Variants in MORN1 observed in about 807,000 individuals in gnomAD.
MORN1 encodes MORN repeat-containing protein 1.
MORN1 carries 67 observed loss-of-function variants against 61.9 expected under a neutral mutation model. The ratio of observed to expected loss-of-function variants is 1.08; its 90% CI spans 0.89 to 1.33. MORN1 has a LOEUF of 1.33. Among genes scored for constraint, MORN1 ranks in the 40% most tolerant of loss-of-function variants. MORN1 has a pLI of 0.00. For synonymous variants in MORN1, 301 were observed against 292.0 expected, an observed-to-expected ratio of 1.03 and a Z score of -0.31; for missense variants, 752 against 691.2, an observed-to-expected ratio of 1.09 and a Z score of -0.99.
Position 2,327,292 on chromosome 1 carries a change from AGAAAC to A in MORN1, c.1251-3154_1251-3150del, listed in dbSNP as rs1641053173. 5.3e-5 allele frequency among the ~76,000 whole-genome samples: 8 copies of A among 152,242 alleles called. No individual in the cohort carries two copies. The South Asian group carries it at 1.5e-3, about 28-fold the overall frequency. Reference sequence around the variant, plus strand: ...CAAACACAGAGACACAGAAACACACAGAAACACAGAAACAAACACAGAGACACAGA... The same window carrying A: ...CAAACACAGAGACACAGAAACACACAACAGAAACAAACACAGAGACACAGA... On this transcript the variant is annotated intron_variant, in intron 12 of 13. Coordinates refer to ENST00000378531, the MANE Select transcript of MORN1 (RefSeq NM_024848.3).
intron 12 of MORN1, among the ~76,000 whole-genome samples, chr1:2,329,783 C>A (rs2645065): frequency 0.13 from 20,187 of 152,258 alleles, 1,594 homozygotes; most frequent in Middle Eastern, 0.2. Flanking sequence ...AGATAGTGTT[C>A]CCCAAGGCCC....
At chr1:2,332,536 G>A (rs1641179877) in intron 12 of MORN1, 1 of 450,674 alleles carries the variant, frequency 2.2e-6, no homozygotes, top group Non-Finnish European at 4.5e-6. Flanking sequence ...TAGGACCTGG[G>A]CTTCTATGAT....
At chr1:2,355,816 C>T (rs2100300633) in intron 10 of MORN1, among the ~76,000 whole-genome samples, 1 of 152,332 alleles carries the variant, frequency 6.6e-6, no homozygotes, top group African/African-American at 2.4e-5. Flanking sequence ...TGCAGGAGAG[C>T]CCAGAGCTGA....
rs561680404 is a variant in MORN1 at position 2,340,995 on chromosome 1, C to T, written c.1037-4145G>A. Among the ~76,000 whole-genome samples the T allele has an allele frequency of 1.5e-4, 23 of 152,380 alleles. No individual in the cohort carries two copies. The South Asian group carries it at 2.7e-3, about 18-fold the overall frequency. ...CGAGACCACGACGCGGGCTGTCCTA[C>T]GGTCCTCTCCTCCTTGCACGTCTCC... On this transcript the variant is annotated intron_variant, in intron 10 of 13. Transcript: ENST00000378531.
chr1:2,342,287 G>T (rs1641411370), intron 10 of MORN1, among the ~76,000 whole-genome samples: 1 of 152,196 alleles, frequency 6.6e-6, no homozygotes, highest in Non-Finnish European at 1.5e-5. Context: ...AGCAGGCAGG[G>T]ATGCTGCCCG....
chr1:2,384,952 AGC>A (rs1419057371), intron 6 of MORN1, 24 bp downstream of exon 6: 3 of 1,529,120 alleles, frequency 2.0e-6, no homozygotes, highest in Non-Finnish European at 2.6e-6. Context: ...CCCTCTGGGC[AGC>A]AGGTGCCGCG....
intron 13 of MORN1, chr1:2,321,985 A>T: frequency 2.6e-5 from 23 of 875,732 alleles, no homozygotes; most frequent in Non-Finnish European, 3.0e-5. Context: ...GGAGAAAAAT[A>T]ATTCATTCCC....
chr1:2,384,523 AG>A (rs1253361494), intron 6 of MORN1, among the ~76,000 whole-genome samples: 1 of 152,246 alleles, frequency 6.6e-6, no homozygotes, highest in Non-Finnish European at 1.5e-5. Flanking sequence ...GCATCCGTAA[AG>A]GAAGTTCCAC....
At chr1:2,322,896 G>C (rs1000820913) in intron 13 of MORN1, 3 of 985,310 alleles carry the variant, frequency 3.0e-6, no homozygotes, top group African/African-American at 1.7e-5. Context: ...GGTGGCCACC[G>C]TGCGGCAGGC....
chr1:2,330,411 G>A (rs895269464), intron 12 of MORN1, among the ~76,000 whole-genome samples: 3 of 152,122 alleles, frequency 2.0e-5, no homozygotes, highest in Non-Finnish European at 2.9e-5. Flanking sequence ...GGTGTCCTTC[G>A]TCCTCTGGGC....
At chr1:2,390,207 G>A (rs1395892956) in intron 1 of MORN1, among the ~76,000 whole-genome samples, 1 of 152,202 alleles carries the variant, frequency 6.6e-6, no homozygotes, top group Non-Finnish European at 1.5e-5. Flanking sequence ...TGACAAGGAT[G>A]AGGACCTACT....
At chr1:2,323,537 G>T (rs1640930314) in intron 13 of MORN1, 2 of 985,254 alleles carry the variant, frequency 2.0e-6, no homozygotes, top group African/African-American at 3.5e-5. Context: ...GGCCCCTCTG[G>T]CTTGGTGGGG....
chr1:2,336,402 G>A (rs904693940), intron 12 of MORN1, 67 bp downstream of exon 12: 60 of 1,515,874 alleles, frequency 4.0e-5, no homozygotes, highest in South Asian at 3.2e-4. Flanking sequence ...CCGTCCTCCT[G>A]GCCCAGCTGA....
At chr1:2,323,572 C>T (rs538463542) in intron 13 of MORN1, 53 of 985,296 alleles carry the variant, frequency 5.4e-5, no homozygotes, top group Middle Eastern at 5.2e-4. Context: ...GGCTGTGGGG[C>T]GACTGGAGGA....
chr1:2,322,674 G>C (rs987990346), intron 13 of MORN1: 14 of 985,346 alleles, frequency 1.4e-5, no homozygotes, highest in Non-Finnish European at 1.7e-5. Context: ...CGGAGGAAGA[G>C]CCCCACATGG....
chr1:2,368,040 T>C (rs1642034320), intron 8 of MORN1, among the ~76,000 whole-genome samples: 1 of 152,204 alleles, frequency 6.6e-6, no homozygotes, highest in African/African-American at 2.4e-5. Flanking sequence ...AAAGAGAGAA[T>C]TGGGTTTCAT....
intron 8 of MORN1, among the ~76,000 whole-genome samples, chr1:2,361,980 T>C (rs574680870): frequency 6.6e-6 from 1 of 152,358 alleles, no homozygotes; most frequent in Admixed American, 6.5e-5. Flanking sequence ...ACGCCTGTAA[T>C]CCCAGCACCT....
At chr1:2,329,137 G>A (rs1359022384) in intron 12 of MORN1, among the ~76,000 whole-genome samples, 1 of 152,132 alleles carries the variant, frequency 6.6e-6, no homozygotes, top group Non-Finnish European at 1.5e-5. Flanking sequence ...GTTCACCTGT[G>A]GGCCCTTGCC....
chr1:2,388,183 C>A, intron 3 of MORN1, 56 bp downstream of exon 3: 1 of 1,425,126 alleles, frequency 7.0e-7, no homozygotes, highest in South Asian at 1.1e-5. Flanking sequence ...GGCGGACCAA[C>A]TGAGCCCGAT....
Sources: allele counts gnomAD v4.1 joint callset (sites outside exome capture counted in the v4.1 genomes callset), GRCh38; gene constraint gnomAD v4.1.1; transcripts MANE v1.5; gene names NCBI Gene and HGNC (gene_info 2026-07-23, HGNC 2026-07-21).